Variants in XRRA1 observed in about 807,000 individuals in gnomAD.
The protein encoded by XRRA1 is X-ray radiation resistance-associated protein 1.
A neutral mutation model predicts 80.2 loss-of-function variants in XRRA1; 69 were observed. The ratio of observed to expected loss-of-function variants is 0.86; its 90% CI spans 0.71 to 1.05. The LOEUF (loss-of-function observed/expected upper bound fraction) is 1.05, where lower values mean the gene tolerates loss of function less well. Ranked by LOEUF, XRRA1 falls within the 50% of genes least tolerant of loss-of-function variation. The pLI is 0.00. For missense variants in XRRA1, 967 were observed against 976.4 expected, an observed-to-expected ratio of 0.99 and a Z score of 0.13; for synonymous variants, 348 against 389.9, an observed-to-expected ratio of 0.89 and a Z score of 1.27.
intron 10 of XRRA1, among the ~76,000 whole-genome samples, chr11:74,891,088 G>A (rs1040060172): frequency 6.6e-6 from 1 of 152,146 alleles, no homozygotes; most frequent in African/African-American, 2.4e-5. Context: ...AAGCCTGGCA[G>A]AGACACAACA....
intron 1 of XRRA1, among the ~76,000 whole-genome samples, chr11:74,945,665 A>G (rs185125872): frequency 6.6e-6 from 1 of 152,114 alleles, no homozygotes; most frequent in African/African-American, 2.4e-5. Context: ...TAGAAAAAAA[A>G]GTCAAAGTTC....
intron 10 of XRRA1, among the ~76,000 whole-genome samples, chr11:74,873,505 C>T (rs1590833182): frequency 6.6e-6 from 1 of 152,200 alleles, no homozygotes; most frequent in Non-Finnish European, 1.5e-5. Flanking sequence ...ATCCCTCTGG[C>T]CAGATGCCCA....
chr11:74,879,166 G>A lies in XRRA1; in HGVS notation c.1004-16145C>T, dbSNP rs1168315725. Among the ~76,000 whole-genome samples, 18 of 150,352 alleles carry A rather than the reference G, an allele frequency of 1.2e-4. No homozygotes were observed. In the South Asian group the frequency reaches 1.9e-3, roughly 16 times the overall value. ...GAGCAGTGGTTTGTAGTTCTCCTTGGAGAGGTCCTTCACATCCCTTGTAAG... is the reference window on the plus strand; with the variant it reads ...GAGCAGTGGTTTGTAGTTCTCCTTGAAGAGGTCCTTCACATCCCTTGTAAG... On this transcript the variant is annotated intron_variant, in intron 10 of 18. Coordinates refer to ENST00000684022, the MANE Select transcript of XRRA1 (RefSeq NM_001378157.1).
intron 2 of XRRA1, among the ~76,000 whole-genome samples, chr11:74,943,417 A>T (rs185899256): frequency 3.3e-5 from 5 of 152,278 alleles, no homozygotes; most frequent in African/African-American, 7.2e-5. Context: ...CAAACCTTGG[A>T]AAAACCTACA....
intron 12 of XRRA1, among the ~76,000 whole-genome samples, chr11:74,854,120 A>T (rs1034066266): frequency 1.3e-5 from 2 of 152,234 alleles, no homozygotes; most frequent in African/African-American, 4.8e-5. Flanking sequence ...ATTTGAAGAA[A>T]AAATTTATCA....
chr11:74,881,722 G>T (rs1233570667), intron 10 of XRRA1, among the ~76,000 whole-genome samples: 1 of 151,932 alleles, frequency 6.6e-6, no homozygotes, highest in African/African-American at 2.4e-5. Context: ...AAATCTCTCA[G>T]CATTTGCTTG....
chr11:74,885,410 C>G (rs2048782018), intron 10 of XRRA1, among the ~76,000 whole-genome samples: 1 of 151,764 alleles, frequency 6.6e-6, no homozygotes, highest in Non-Finnish European at 1.5e-5. Context: ...TACCACTGAC[C>G]CCACAGAATT....
chr11:74,930,491 C>T, intron 5 of XRRA1, 119 bp from the exon 6 acceptor site: 3 of 745,254 alleles, frequency 4.0e-6, no homozygotes, highest in Non-Finnish European at 6.5e-6. Flanking sequence ...GAATAAGGGA[C>T]ATCCCTAGCA....
In XRRA1 at chr11:74,845,070, T is replaced by G; in HGVS notation, c.1927+3A>C. ...CCTAGAGCAAGGATATGCCCTCACA[T>G]ACCCTTTGGCTCAATGAAGGCTGGA... On this transcript the variant is annotated splice_donor_region_variant and intron_variant, in intron 16 of 18. Coordinates refer to ENST00000684022, the MANE Select transcript of XRRA1 (RefSeq NM_001378157.1). 6.2e-7 allele frequency: 1 copy of G among 1,613,094 alleles called. No individual in the cohort carries two copies. Among genetic ancestry groups the G allele is most frequent in the Non-Finnish European group, 8.5e-7 (1 of 1,179,806 alleles).
Position 74,921,126 on chromosome 11 carries a change from T to A in XRRA1, c.656+88A>T, listed in dbSNP as rs1391284029. ...CCCTGCTTTGAGCACTTACAGCCTA[T>A]CTTTATGGCACTTCAAGCTGCTATG... On this transcript the variant is annotated intron_variant, in intron 8 of 18. Transcript: ENST00000684022. The A allele has an allele frequency of 3.3e-6, 5 of 1,533,552 alleles. No individual in the cohort carries two copies. In the Admixed American group the frequency reaches 5.3e-5, roughly 16 times the overall value. 95.0% of individuals were successfully genotyped at this position (1,533,552 alleles called of 1,614,324 possible).
At chr11:74,890,029 C>T (rs940346861) in intron 10 of XRRA1, among the ~76,000 whole-genome samples, 1 of 152,304 alleles carries the variant, frequency 6.6e-6, no homozygotes, top group African/African-American at 2.4e-5. Context: ...AGGAATTGAA[C>T]TTAGCTCTGC....
intron 10 of XRRA1, among the ~76,000 whole-genome samples, chr11:74,882,794 T>TG (rs1044270271): frequency 1.1e-4 from 17 of 152,074 alleles, no homozygotes; most frequent in South Asian, 2.1e-4. Context: ...GTGCCCCTGC[T>TG]GGGGGGGTGC....
chr11:74,887,589 G>A (rs1234455183), intron 10 of XRRA1, among the ~76,000 whole-genome samples: 1 of 152,210 alleles, frequency 6.6e-6, no homozygotes, highest in Non-Finnish European at 1.5e-5. Flanking sequence ...GACAGTGGGT[G>A]CAGCGCACCG....
At chr11:74,881,897 C>T (rs2136742505) in intron 10 of XRRA1, among the ~76,000 whole-genome samples, 1 of 149,944 alleles carries the variant, frequency 6.7e-6, no homozygotes, top group South Asian at 2.2e-4. Context: ...TGATGGGCTT[C>T]CCTTTGAGGG....
Position 74,927,473 on chromosome 11 carries a change from A to G in XRRA1, c.440T>C (p.Phe147Ser), listed in dbSNP as rs778787280. The change falls in exon 7 of 19, where the codon TTT becomes TCT. Residue 147 changes from phenylalanine (F) to serine (S), a missense_variant. Coordinates refer to ENST00000684022, the MANE Select transcript of XRRA1 (RefSeq NM_001378157.1). The part of the protein sequence containing the change: ...NLLPLEAFHT[F>S]PALKELDLAF... Reference sequence around the variant, plus strand: ...GAGATCCAGTTCCTTTAGGGCTGGAAACGTGTGAAATGCCTCTACATGGGG... The same window carrying G: ...GAGATCCAGTTCCTTTAGGGCTGGAGACGTGTGAAATGCCTCTACATGGGG... 2 of 1,611,646 alleles carry G rather than the reference A, an allele frequency of 1.2e-6. No individual in the cohort carries two copies. Among genetic ancestry groups the G allele is most frequent in the Non-Finnish European group, 1.7e-6 (2 of 1,177,768 alleles).
chr11:74,920,238 TTTGAA>T (rs1310322854), intron 8 of XRRA1, among the ~76,000 whole-genome samples: 1 of 152,180 alleles, frequency 6.6e-6, no homozygotes, highest in Non-Finnish European at 1.5e-5. Flanking sequence ...TTTAAGCCAC[TTTGAA>T]TTGGACTTCT....
rs77509712 is a variant in XRRA1 at position 74,851,860 on chromosome 11, G to A, written c.1264+129C>T. The A allele has an allele frequency of 3.6e-3, 2,725 of 749,246 alleles. 42 individuals are homozygous for A. Among genetic ancestry groups the A allele is most frequent in the African/African-American group, 0.034 (2,007 of 58,180 alleles). 46.4% of individuals were successfully genotyped at this position (749,246 alleles called of 1,614,324 possible). A position where few individuals can be genotyped will look rare whatever the true frequency, so the allele number is the denominator to read the frequency against. On this transcript the variant is annotated intron_variant, in intron 13 of 18. Coordinates refer to ENST00000684022, the MANE Select transcript of XRRA1 (RefSeq NM_001378157.1). ...AGAGCTATTTCCTCCATTCCTCAAT[G>A]TACCATGAACCTTGTCCACCCCGAC...
rs183891483 is a variant in XRRA1, at chr11:74,919,156, T to C, written c.656+2058A>G. The C allele has an allele frequency of 8.0e-4, 122 of 152,494 alleles. 1 individual carries two copies. The highest frequency in any genetic ancestry group is 6.9e-3 in the Admixed American group (106 of 15,308). 9.4% of individuals were successfully genotyped at this position (152,494 alleles called of 1,614,324 possible). A position where few individuals can be genotyped will look rare whatever the true frequency, so the allele number is the denominator to read the frequency against. On this transcript the variant is annotated intron_variant, in intron 8 of 18. Coordinates refer to ENST00000684022, the MANE Select transcript of XRRA1 (RefSeq NM_001378157.1). ...GATATTTTAGGTGGAATAATGGTTCTCTGGGTATGATTTTTAAGAGTGCTT... is the reference window on the plus strand; with the variant it reads ...GATATTTTAGGTGGAATAATGGTTCCCTGGGTATGATTTTTAAGAGTGCTT...
At chr11:74,888,710 G>C (rs2049791671) in intron 10 of XRRA1, among the ~76,000 whole-genome samples, 1 of 152,176 alleles carries the variant, frequency 6.6e-6, no homozygotes, top group African/African-American at 2.4e-5. Flanking sequence ...AACCAATGCA[G>C]AGAAGTCCTT....
Sources: gnomAD v4.1 joint callset for allele counts (sites outside exome capture counted in the v4.1 genomes callset) on GRCh38, gnomAD v4.1.1 for gene constraint, MANE v1.5 for transcripts, NCBI Gene and HGNC (gene_info 2026-07-23, HGNC 2026-07-21) for gene names.